The following ATP6V1G1 variants were observed in gnomAD, a reference collection of about 807,000 sequenced individuals.
The protein encoded by ATP6V1G1 is V-type proton ATPase subunit G 1.
In ATP6V1G1, 14 loss-of-function variants were observed where a neutral mutation model predicts 14.2. The observed-to-expected ratio is 0.99, with a 90% CI of 0.65 to 1.55. The LOEUF is 1.55. ATP6V1G1 is among the 40% of genes most tolerant of loss of function. ATP6V1G1 has a pLI of 0.00. For synonymous variants in ATP6V1G1, 65 were observed against 53.3 expected (o/e 1.22, Z -0.96); for missense variants, 137 against 146.4 (o/e 0.94, Z 0.33).
rs540425306 is a variant in ATP6V1G1, at chr9:114,597,705, C to T, written c.319C>T (p.Arg107Trp). 5.6e-5 allele frequency: 88 copies of T among 1,584,268 alleles called. No homozygotes were observed. The highest frequency in any genetic ancestry group is 3.8e-5 in the Admixed American group (2 of 52,822). The stretch of plus-strand genomic sequence containing the variant: ...CCTCTTGGCTTTTGTCTGTGACATT[C>T]GGCCAGAAATCCATGAAAACTACCG... ...DNLLAFVCDIRPEIHENYRIN... is the reference protein window; with the variant it reads ...DNLLAFVCDIWPEIHENYRIN... The change falls in exon 3 of 3, where the codon CGG becomes TGG. Residue 107 changes from arginine (R) to tryptophan (W), a missense_variant. Coordinates refer to ENST00000374050, the MANE Select transcript of ATP6V1G1 (RefSeq NM_004888.4).
At chr9:114,594,516 T>C (rs1845216030) in intron 2 of ATP6V1G1, among the ~76,000 whole-genome samples, 1 of 151,914 alleles carries the variant, frequency 6.6e-6, no homozygotes, top group Admixed American at 6.6e-5. Flanking sequence ...CCCAAGTAGC[T>C]GAGACTGCAG....
Position 114,597,863 on chromosome 9 carries a change from A to T in ATP6V1G1, c.*120A>T. The T allele has an allele frequency of 1.1e-6, 1 of 945,392 alleles. No individual in the cohort carries two copies. 58.6% of individuals were successfully genotyped at this position (945,392 alleles called of 1,614,324 possible). A position where few individuals can be genotyped will look rare whatever the true frequency, so the allele number is the denominator to read the frequency against. On this transcript the variant is annotated 3_prime_UTR_variant, in exon 3 of 3. Transcript: ENST00000374050. ...TTAAATTATTTCCATATATTATATA[A>T]TAGGTCCTTCCACTTTTTGGAGAGT... is the stretch of plus-strand genomic sequence containing the variant.
intron 2 of ATP6V1G1, 23 bp from the exon 3 acceptor site, chr9:114,597,547 G>T: frequency 6.8e-7 from 1 of 1,468,188 alleles, no homozygotes; most frequent in Non-Finnish European, 9.0e-7. Flanking sequence ...TAATCCCTCC[G>T]TGACATCACT....
intron 1 of ATP6V1G1, among the ~76,000 whole-genome samples, chr9:114,590,872 T>C: frequency 6.6e-6 from 1 of 152,222 alleles, no homozygotes; most frequent in East Asian, 1.9e-4. Flanking sequence ...CTCGGCTCAC[T>C]ACAATCTCTG....
At chr9:114,590,513 CG>C (rs1208633430) in intron 1 of ATP6V1G1, among the ~76,000 whole-genome samples, 1 of 151,842 alleles carries the variant, frequency 6.6e-6, no homozygotes, top group African/African-American at 2.4e-5. Context: ...CTATGTCGGC[CG>C]GGTTCTTCTC....
Position 114,589,366 on chromosome 9 carries a change from A to G in ATP6V1G1, c.82+1446A>G, listed in dbSNP as rs150127740. Among the ~76,000 whole-genome samples the G allele has an allele frequency of 3.6e-3, 548 of 152,340 alleles. 6 individuals carry two copies. The highest frequency in any genetic ancestry group is 0.013 in the African/African-American group (524 of 41,578). On this transcript the variant is annotated intron_variant, in intron 1 of 2. Coordinates refer to ENST00000374050, the MANE Select transcript of ATP6V1G1 (RefSeq NM_004888.4). Reference sequence around the variant, plus strand: ...CAGATAGTAAAAATGAGGCTCAGAGAGAAATGATTTATCCATACCCTGGGA... The same window carrying G: ...CAGATAGTAAAAATGAGGCTCAGAGGGAAATGATTTATCCATACCCTGGGA...
intron 2 of ATP6V1G1, among the ~76,000 whole-genome samples, chr9:114,596,035 G>A (rs1038929630): frequency 6.6e-6 from 1 of 152,116 alleles, no homozygotes; most frequent in Non-Finnish European, 1.5e-5. Flanking sequence ...TGGCTGTATT[G>A]TGAAGATCAT....
At chr9:114,589,239 C>T (rs1011575599) in intron 1 of ATP6V1G1, among the ~76,000 whole-genome samples, 2 of 152,184 alleles carry the variant, frequency 1.3e-5, no homozygotes, top group Non-Finnish European at 1.5e-5. Context: ...TTATATGGCT[C>T]AGTCACTAGA....
chr9:114,588,675 G>A (rs2133556140), intron 1 of ATP6V1G1, among the ~76,000 whole-genome samples: 1 of 152,182 alleles, frequency 6.6e-6, no homozygotes, highest in East Asian at 1.9e-4. Flanking sequence ...CTGGAGTGGA[G>A]AAATGTAAGG....
chr9:114,591,409 G>A (rs914154957), intron 1 of ATP6V1G1, among the ~76,000 whole-genome samples: 2 of 152,200 alleles, frequency 1.3e-5, no homozygotes, highest in African/African-American at 4.8e-5. Flanking sequence ...TGTTGGTTTC[G>A]AAAGTATCTT....
In ATP6V1G1 at chr9:114,591,131, A is replaced by G. The variant is rs772355959; in HGVS notation, c.83-1421A>G. Among the ~76,000 whole-genome samples the G allele has an allele frequency of 2.1e-4, 32 of 152,350 alleles. 1 individual carries two copies. Among genetic ancestry groups the G allele is most frequent in the African/African-American group, 5.3e-4 (22 of 41,588 alleles). On this transcript the variant is annotated intron_variant, in intron 1 of 2. Transcript: ENST00000374050. ...TTTTAAAAAAGTTTGTGTTAATGGC[A>G]TATTTCATTGGAGTGAAACAAAACA... is the stretch of plus-strand genomic sequence containing the variant.
intron 1 of ATP6V1G1, among the ~76,000 whole-genome samples, chr9:114,589,259 T>C (rs1460157261): frequency 6.6e-6 from 1 of 152,236 alleles, no homozygotes; most frequent in Non-Finnish European, 1.5e-5. Flanking sequence ...ACTAAGCTTC[T>C]GGAGAACAGA....
At chr9:114,588,584 G>A (rs1845152908) in intron 1 of ATP6V1G1, among the ~76,000 whole-genome samples, 1 of 151,718 alleles carries the variant, frequency 6.6e-6, no homozygotes, top group Non-Finnish European at 1.5e-5. Context: ...TGCATCAGTT[G>A]TCTCCCCTAA....
intron 2 of ATP6V1G1, 70 bp downstream of exon 2, chr9:114,592,722 T>C: frequency 6.8e-7 from 1 of 1,476,822 alleles, no homozygotes; most frequent in Non-Finnish European, 9.2e-7. Flanking sequence ...TTTCAGAATA[T>C]CCAGCATAGC....
At chr9:114,588,982 T>C (rs1845157410) in intron 1 of ATP6V1G1, among the ~76,000 whole-genome samples, 1 of 152,292 alleles carries the variant, frequency 6.6e-6, no homozygotes, top group South Asian at 2.1e-4. Context: ...TGAATCGTTG[T>C]GGTCCCTCAG....
Position 114,597,689 on chromosome 9 carries a change from T to C in ATP6V1G1, c.303T>C (p.Ala101=), listed in dbSNP as rs199542651. The change falls in exon 3 of 3, where the codon GCT becomes GCC. Residue 101 remains alanine (A), a synonymous_variant. Coordinates refer to ENST00000374050, the MANE Select transcript of ATP6V1G1 (RefSeq NM_004888.4). ...NRDEVLDNLL[A]FVCDIRPEIH... is the part of the protein sequence containing the mutation. ...ATGAAGTCTTGGACAACCTCTTGGC[T>C]TTTGTCTGTGACATTCGGCCAGAAA... 2.5e-6 allele frequency: 4 copies of C among 1,591,064 alleles called. No homozygotes were observed. In the East Asian group the frequency reaches 9.2e-5, roughly 37 times the overall value.
At chr9:114,592,721 A>G in intron 2 of ATP6V1G1, 69 bp downstream of exon 2, 1 of 1,477,440 alleles carries the variant, frequency 6.8e-7, no homozygotes, top group South Asian at 1.2e-5. Context: ...CTTTCAGAAT[A>G]TCCAGCATAG....
chr9:114,591,408 C>G (rs986991122), intron 1 of ATP6V1G1, among the ~76,000 whole-genome samples: 1 of 152,054 alleles, frequency 6.6e-6, no homozygotes, highest in African/African-American at 2.4e-5. Context: ...TTGTTGGTTT[C>G]GAAAGTATCT....
intron 2 of ATP6V1G1, among the ~76,000 whole-genome samples, chr9:114,595,892 CAT>C (rs767903282): frequency 1.7e-4 from 26 of 151,376 alleles, no homozygotes; most frequent in African/African-American, 4.9e-4. Context: ...ATGTTATTAG[CAT>C]ATATATATAT....
Sources: gnomAD v4.1 joint callset for allele counts (sites outside exome capture counted in the v4.1 genomes callset) on GRCh38, gnomAD v4.1.1 for gene constraint, MANE v1.5 for transcripts, NCBI Gene and HGNC (gene_info 2026-07-23, HGNC 2026-07-21) for gene names.